NEK1: variants seen among roughly 807,000 people sequenced by gnomAD.
NEK1 encodes serine/threonine-protein kinase Nek1.
A neutral mutation model predicts 182.1 loss-of-function variants in NEK1; 137 were observed. The observed-to-expected ratio is 0.75, with a 90% CI of 0.65 to 0.87. The LOEUF is 0.87. NEK1 is among the 40% of genes least tolerant of loss of function. The probability of loss-of-function intolerance (pLI) is 0.00; values close to 1 mark genes in which losing one functional copy is unlikely to be tolerated. For missense variants in NEK1, 1,391 were observed against 1,494.4 expected, an observed-to-expected ratio of 0.93 and a Z score of 1.14; for synonymous variants, 513 against 492.2, an observed-to-expected ratio of 1.04 and a Z score of -0.56.
At position 169,508,253 on chromosome 4, in the gene NEK1, C is replaced by T. The variant is rs1332140059; in HGVS notation, c.1828G>A (p.Glu610Lys). The change falls in exon 21 of 36, where the codon GAA becomes AAA. Residue 610 changes from glutamate to lysine, a missense_variant. This residue lies in a region of NEK1 where 1,216 missense variants were observed against 1,277.6 expected (regional missense o/e 0.95). Transcript: ENST00000507142. ...RQQIKAKLRGEKKEANHSEGQ... is the reference protein window; with the variant it reads ...RQQIKAKLRGKKKEANHSEGQ... ...AAAATAGCTTTTCAACCTACCTTTT[C>T]ACCACGAAGTTTGGCTTTAATCTGT... 4 of 1,586,898 alleles carry T rather than the reference C, an allele frequency of 2.5e-6. No homozygotes were observed. The highest frequency in any genetic ancestry group is 3.4e-6 in the Non-Finnish European group (4 of 1,168,346).
At chr4:169,489,906 CAG>C (rs1749750570) in intron 23 of NEK1, among the ~76,000 whole-genome samples, 1 of 152,132 alleles carries the variant, frequency 6.6e-6, no homozygotes, top group South Asian at 2.1e-4. Flanking sequence ...ACCCATACCT[CAG>C]AGAGTGAACT....
chr4:169,455,947 T>C lies in NEK1; in HGVS notation c.2587+7296A>G, dbSNP rs1443220759. On this transcript the variant is annotated intron_variant, in intron 27 of 35. Coordinates refer to ENST00000507142, the MANE Select transcript of NEK1 (RefSeq NM_001199397.3). ...TCAGTACATGAATCATTCTCAAGGATAGAACATATGTTAGATCACAAAACA... is the reference window on the plus strand; with the variant it reads ...TCAGTACATGAATCATTCTCAAGGACAGAACATATGTTAGATCACAAAACA... Among the ~76,000 whole-genome samples the C allele has an allele frequency of 3.3e-5, 5 of 152,198 alleles. No homozygotes were observed. In the East Asian group the frequency reaches 5.8e-4, roughly 18 times the overall value.
chr4:169,437,987 A>T, intron 28 of NEK1, 96 bp downstream of exon 28: 2 of 938,326 alleles, frequency 2.1e-6, no homozygotes, highest in Non-Finnish European at 3.0e-6. Context: ...ATAATTACCC[A>T]AACATATACA....
rs779767983 is a variant in NEK1 at position 169,424,660 on chromosome 4, C to T, written c.3115G>A (p.Glu1039Lys). Reference protein sequence around the residue: ...QVQSVQCSPEESFAFRSHSHL... With the variant: ...QVQSVQCSPEKSFAFRSHSHL... ...GAGTGAGATCGAAATGCAAAGGATTCTTCTGGTGAACACTGAACTGATTGA... is the reference window on the plus strand; with the variant it reads ...GAGTGAGATCGAAATGCAAAGGATTTTTCTGGTGAACACTGAACTGATTGA... Residue 1039 changes from glutamate (E) to lysine (K), a missense_variant, in exon 31 of 36, where the codon GAA becomes AAA. Physicochemically the swap from Glu to Lys is moderately conservative, Grantham distance 56. This residue lies in a region of NEK1 where 1,216 missense variants were observed against 1,277.6 expected (regional missense o/e 0.95). Transcript: ENST00000507142. 1 of 1,613,766 alleles carries T rather than the reference C, an allele frequency of 6.2e-7. No homozygotes were observed.
chr4:169,473,188 C>T (rs1746332239), intron 26 of NEK1, among the ~76,000 whole-genome samples: 1 of 151,178 alleles, frequency 6.6e-6, no homozygotes, highest in South Asian at 2.1e-4. Context: ...ATCATTTGAG[C>T]CCAGAAATTT....
chr4:169,427,254 G>A (rs1736554992), intron 29 of NEK1, among the ~76,000 whole-genome samples: 1 of 151,758 alleles, frequency 6.6e-6, no homozygotes, highest in Non-Finnish European at 1.5e-5. Flanking sequence ...AGCCTCCCGA[G>A]TAGCTGGGAC....
At chr4:169,545,079 T>A (rs1760170226) in intron 18 of NEK1, among the ~76,000 whole-genome samples, 1 of 149,056 alleles carries the variant, frequency 6.7e-6, no homozygotes, top group Non-Finnish European at 1.5e-5. Context: ...ATACTTTAAG[T>A]TTTAGGGTAC....
intron 26 of NEK1, among the ~76,000 whole-genome samples, chr4:169,471,457 G>C (rs1216325818): frequency 1.3e-5 from 2 of 152,292 alleles, no homozygotes; most frequent in Non-Finnish European, 2.9e-5. Flanking sequence ...AGTGGAGGCT[G>C]CAGAACAGCA....
intron 31 of NEK1, among the ~76,000 whole-genome samples, chr4:169,415,613 G>A (rs781163424): frequency 6.6e-6 from 1 of 152,034 alleles, no homozygotes; most frequent in Non-Finnish European, 1.5e-5. Flanking sequence ...AATTCTTCTG[G>A]TCTGAAGCAG....
At chr4:169,452,652 CA>C (rs1742045699) in intron 27 of NEK1, among the ~76,000 whole-genome samples, 1 of 152,020 alleles carries the variant, frequency 6.6e-6, no homozygotes, top group Non-Finnish European at 1.5e-5. Context: ...TAGGTATTGA[CA>C]GAACATATCT....
chr4:169,475,764 CAACTCCTTAAACTTCTGGAGGTGAA>C (rs1161023950), intron 26 of NEK1, among the ~76,000 whole-genome samples: 1 of 151,966 alleles, frequency 6.6e-6, no homozygotes, highest in African/African-American at 2.4e-5. Context: ...GATAGAAAAA[CAACTCCTTAAACTTCTGGAGGTGAA>C]AACTACAATA....
chr4:169,600,794 C>G (rs1770361353), intron 4 of NEK1, among the ~76,000 whole-genome samples: 1 of 152,122 alleles, frequency 6.6e-6, no homozygotes, highest in Non-Finnish European at 1.5e-5. Context: ...ACTATGCTAT[C>G]ATTTATGTTT....
chr4:169,420,098 T>C (rs1372951107), intron 31 of NEK1, among the ~76,000 whole-genome samples: 1 of 152,184 alleles, frequency 6.6e-6, no homozygotes, highest in Non-Finnish European at 1.5e-5. Flanking sequence ...TAACCTTATC[T>C]TACTGTAACC....
At chr4:169,451,353 G>T (rs1420625034) in intron 27 of NEK1, among the ~76,000 whole-genome samples, 5 of 152,060 alleles carry the variant, frequency 3.3e-5, no homozygotes, top group African/African-American at 1.2e-4. Context: ...GCACCACATA[G>T]CCCTTATTCT....
chr4:169,497,674 T>C (rs571792019), intron 23 of NEK1, among the ~76,000 whole-genome samples: 13 of 152,346 alleles, frequency 8.5e-5, no homozygotes, highest in African/African-American at 3.1e-4. Flanking sequence ...CCAGTAGTCA[T>C]TCAGGAACAG....
intron 5 of NEK1, among the ~76,000 whole-genome samples, chr4:169,591,144 G>GCCCCCCC (rs553204329): frequency 7.4e-6 from 1 of 134,554 alleles, no homozygotes; most frequent in African/African-American, 3.1e-5. Flanking sequence ...TTTCTATAAC[G>GCCCCCCC]CCCCCCCCCC....
chr4:169,569,878 A>T (rs1764394331), intron 12 of NEK1, among the ~76,000 whole-genome samples: 1 of 152,096 alleles, frequency 6.6e-6, no homozygotes. Flanking sequence ...TTGGCCTTCC[A>T]AAGTGCCGAG....
At chr4:169,516,347 G>A (rs1451928806) in intron 19 of NEK1, among the ~76,000 whole-genome samples, 2 of 130,696 alleles carry the variant, frequency 1.5e-5, no homozygotes, top group Non-Finnish European at 3.1e-5. Context: ...TTTTGATGGG[G>A]TTGTTTGTTT....
chr4:169,443,711 TC>T (rs528832117), intron 27 of NEK1, among the ~76,000 whole-genome samples: 17 of 151,844 alleles, frequency 1.1e-4, no homozygotes, highest in Non-Finnish European at 2.1e-4. Flanking sequence ...CCCAAAAAGA[TC>T]TTCCCAAGGC....
Sources: gnomAD v4.1 joint callset for allele counts (sites outside exome capture counted in the v4.1 genomes callset) on GRCh38, gnomAD v4.1.1 for gene constraint, gnomAD v4.1.1 regional missense constraint, MANE v1.5 for transcripts, NCBI Gene and HGNC (gene_info 2026-07-23, HGNC 2026-07-21) for gene names.